Variants in CNBD1 observed in about 807,000 individuals in gnomAD.
CNBD1 encodes cyclic nucleotide-binding domain-containing protein 1.
CNBD1 carries 71 observed loss-of-function variants against 54.4 expected under a neutral mutation model. The observed-to-expected ratio is 1.30, with a 90% confidence interval of 1.08 to 1.59. The LOEUF is 1.59. Ranked by LOEUF, CNBD1 falls within the 40% of genes most tolerant of loss-of-function variation. CNBD1 has a pLI of 0.00. For synonymous variants in CNBD1, 182 were observed against 170.7 expected, an observed-to-expected ratio of 1.07 and a Z score of -0.51; for missense variants, 659 against 518.0, an observed-to-expected ratio of 1.27 and a Z score of -2.64.
At chr8:87,186,789 G>C (rs1813484648) in intron 4 of CNBD1, among the ~76,000 whole-genome samples, 1 of 151,864 alleles carries the variant, frequency 6.6e-6, no homozygotes, top group Non-Finnish European at 1.5e-5. Flanking sequence ...AATGGTTTGA[G>C]GGACTACTAC....
intron 4 of CNBD1, among the ~76,000 whole-genome samples, chr8:87,121,927 CAT>C (rs146416648): frequency 1.3e-4 from 19 of 149,544 alleles, no homozygotes; most frequent in East Asian, 2.0e-4. Context: ...AATTTATTGT[CAT>C]ATATATATAT....
At chr8:87,367,771 G>T (rs1482831625) in intron 10 of CNBD1, among the ~76,000 whole-genome samples, 1 of 152,038 alleles carries the variant, frequency 6.6e-6, no homozygotes. Flanking sequence ...GCTCTCTATC[G>T]AAAGGTCATG....
At chr8:87,415,806 G>T (rs375649067) in intron 2 of CNBD1, among the ~76,000 whole-genome samples, 2 of 151,382 alleles carry the variant, frequency 1.3e-5, no homozygotes, top group Non-Finnish European at 2.9e-5. Flanking sequence ...TATCAAACGG[G>T]AATAATAAAA....
intron 4 of CNBD1, among the ~76,000 whole-genome samples, chr8:87,138,923 A>G (rs1013324080): frequency 1.8e-4 from 27 of 152,324 alleles, no homozygotes; most frequent in African/African-American, 6.5e-4. Context: ...ATATTTTAGG[A>G]GGCTTTATTG....
At chr8:87,132,288 C>G (rs1202942504) in intron 4 of CNBD1, among the ~76,000 whole-genome samples, 1 of 151,608 alleles carries the variant, frequency 6.6e-6, no homozygotes, top group South Asian at 2.1e-4. Flanking sequence ...AGTTTGATAT[C>G]TCTTGGGACA....
intron 4 of CNBD1, among the ~76,000 whole-genome samples, chr8:87,080,204 G>A (rs1446361992): frequency 6.6e-6 from 1 of 152,156 alleles, no homozygotes; most frequent in African/African-American, 2.4e-5. Flanking sequence ...TTTATAATAA[G>A]CCTGGCAATC....
intron 6 of CNBD1, among the ~76,000 whole-genome samples, chr8:87,252,241 A>G (rs6986797): frequency 0.3 from 46,217 of 152,060 alleles, 7,875 homozygotes; most frequent in African/African-American, 0.47. Flanking sequence ...GTTTACTTAA[A>G]TGAGAAGCAA....
chr8:87,399,814 A>C (rs2130976317), intron 2 of CNBD1, among the ~76,000 whole-genome samples: 1 of 152,104 alleles, frequency 6.6e-6, no homozygotes, highest in African/African-American at 2.4e-5. Context: ...CTGGTGAAAA[A>C]GTATTTCAAT....
chr8:87,345,845 A>G (rs1458838522), intron 8 of CNBD1, among the ~76,000 whole-genome samples: 1 of 152,142 alleles, frequency 6.6e-6, no homozygotes, highest in East Asian at 1.9e-4. Flanking sequence ...AAGTCTGTTG[A>G]CTACTGAAAA....
chr8:87,152,776 A>G (rs994771332), intron 4 of CNBD1, among the ~76,000 whole-genome samples: 1 of 152,178 alleles, frequency 6.6e-6, no homozygotes, highest in Non-Finnish European at 1.5e-5. Context: ...TATCAGTTTT[A>G]AAAACAAAAG....
chr8:87,175,573 C>G (rs1285205752), intron 4 of CNBD1, among the ~76,000 whole-genome samples: 1 of 152,188 alleles, frequency 6.6e-6, no homozygotes, highest in Non-Finnish European at 1.5e-5. Flanking sequence ...AGCTTTGTAG[C>G]TCTGCCCCCT....
intron 4 of CNBD1, among the ~76,000 whole-genome samples, chr8:87,132,103 G>A (rs993347168): frequency 1.3e-5 from 2 of 151,454 alleles, no homozygotes; most frequent in South Asian, 2.1e-4. Context: ...GTGTCTTGGG[G>A]CACTGCTTTT....
intron 4 of CNBD1, among the ~76,000 whole-genome samples, chr8:86,988,615 G>C (rs1563849102): frequency 6.6e-6 from 1 of 152,012 alleles, no homozygotes; most frequent in South Asian, 2.1e-4. Flanking sequence ...TGCTATGAAA[G>C]ACTAGATTTT....
intron 4 of CNBD1, among the ~76,000 whole-genome samples, chr8:86,971,630 T>C (rs1808220472): frequency 6.6e-6 from 1 of 152,178 alleles, no homozygotes; most frequent in Non-Finnish European, 1.5e-5. Flanking sequence ...ATTTTAGTCT[T>C]TTTTACTCAA....
intron 8 of CNBD1, among the ~76,000 whole-genome samples, chr8:87,324,546 C>G (rs1488966561): frequency 6.9e-6 from 1 of 145,344 alleles, no homozygotes; most frequent in Non-Finnish European, 1.5e-5. Flanking sequence ...GTGTATGTGT[C>G]AAGGAATGTA....
At chr8:87,087,275 G>A (rs879382660) in intron 4 of CNBD1, among the ~76,000 whole-genome samples, 22 of 132,162 alleles carry the variant, frequency 1.7e-4, no homozygotes, top group African/African-American at 3.2e-4. Context: ...ATATATATAC[G>A]TATATATATA....
chr8:86,954,034 G>A (rs1241047945), intron 4 of CNBD1, among the ~76,000 whole-genome samples: 1 of 152,136 alleles, frequency 6.6e-6, no homozygotes, highest in Non-Finnish European at 1.5e-5. Flanking sequence ...GTTATTATAA[G>A]TCATCCATTT....
chr8:86,909,813 C>T (rs546557020), intron 3 of CNBD1, among the ~76,000 whole-genome samples: 6 of 152,296 alleles, frequency 3.9e-5, no homozygotes, highest in Non-Finnish European at 7.4e-5. Context: ...GAGAAACATT[C>T]TGCCGTCAAG....
chr8:87,256,539 G>C (rs890647406), intron 6 of CNBD1, among the ~76,000 whole-genome samples: 2 of 151,744 alleles, frequency 1.3e-5, no homozygotes, highest in African/African-American at 4.8e-5. Flanking sequence ...GGCAGCAGAA[G>C]GTGTTCCACA....
Sources: gnomAD v4.1 joint callset for allele counts (sites outside exome capture counted in the v4.1 genomes callset) on GRCh38, gnomAD v4.1.1 for gene constraint, MANE v1.5 for transcripts, NCBI Gene and HGNC (gene_info 2026-07-23, HGNC 2026-07-21) for gene names.